PLA2G2E: variants seen among roughly 807,000 people sequenced by gnomAD.
PLA2G2E encodes phospholipase A2 group IIE.
In PLA2G2E, 14 loss-of-function variants were observed where a neutral mutation model predicts 16.5. The ratio of observed to expected loss-of-function variants is 0.85; its 90% CI spans 0.56 to 1.33. The LOEUF (loss-of-function observed/expected upper bound fraction) is 1.33, where lower values mean the gene tolerates loss of function less well. PLA2G2E is among the 40% of genes most tolerant of loss of function. The pLI is 0.00. For missense variants in PLA2G2E, 174 were observed against 190.7 expected (o/e 0.91, Z 0.52); for synonymous variants, 72 against 77.2 (o/e 0.93, Z 0.36).
At chr1:19,921,464 C>T (rs2045814667) in intron 3 of PLA2G2E, among the ~76,000 whole-genome samples, 1 of 152,214 alleles carries the variant, frequency 6.6e-6, no homozygotes, top group Non-Finnish European at 1.5e-5. Context: ...ACCCACCTGC[C>T]TCCTCCCCTC....
chr1:19,922,850 C>T, intron 1 of PLA2G2E, 95 bp from the exon 2 acceptor site: 1 of 1,437,940 alleles, frequency 7.0e-7, no homozygotes, highest in East Asian at 2.3e-5. Flanking sequence ...AGGCATCTCT[C>T]CAGTTGTCCA....
chr1:19,922,727 C>G lies in PLA2G2E; in HGVS notation c.69G>C (p.Gln23His). Residue 23 changes from glutamine (Q) to histidine (H), a missense_variant, in exon 2 of 4, where the codon CAG becomes CAC. Physicochemically the swap from Gln to His is conservative, Grantham distance 24. Coordinates refer to ENST00000375116, the MANE Select transcript of PLA2G2E (RefSeq NM_014589.3). Reference protein sequence around the residue: ...LVALVTGNLVQFGVMIEKMTG... With the variant: ...LVALVTGNLVHFGVMIEKMTG... ...TCATCTTCTCGATCATCACCCCAAA[C>G]TGAACCAGGTTCCCGGTGACCAGAG... The G allele has an allele frequency of 6.2e-7, 1 of 1,613,896 alleles. No homozygotes were observed. The highest frequency in any genetic ancestry group is 1.3e-5 in the African/African-American group (1 of 74,978).
rs192084901 is a variant in PLA2G2E at position 19,920,269 on chromosome 1, C to A, written c.*38G>T. 1.3e-6 allele frequency: 2 copies of A among 1,585,322 alleles called. No individual in the cohort carries two copies. Among genetic ancestry groups the A allele is most frequent in the South Asian group, 1.1e-5 (1 of 88,842 alleles). On this transcript the variant is annotated 3_prime_UTR_variant, in exon 4 of 4. Coordinates refer to ENST00000375116, the MANE Select transcript of PLA2G2E (RefSeq NM_014589.3). This position sits in a 1 kb window ranked among gnomAD's most constrained non-coding sequence, Gnocchi z 4.3. ...GGCCTGGGACTACAGCAGCCCGAGG[C>A]GGGACCTCCAGGGACGGGGGGGAGG... is the stretch of plus-strand genomic sequence containing the variant.
rs149881596 is a variant in PLA2G2E at position 19,922,760 on chromosome 1, A to AGAGAGG, written c.41-11_41-6dup. 100,760 of 1,611,742 alleles carry AGAGAGG rather than the reference A, an allele frequency of 0.063. 3,983 individuals are homozygous for AGAGAGG. The highest frequency in any genetic ancestry group is 0.19 in the African/African-American group (14,033 of 74,406). The stretch of plus-strand genomic sequence containing the variant: ...GGTTCCCGGTGACCAGAGCCACTGC[A>AGAGAGG]GAGAGGGAGAGGGAGAGGGAGAGGG... On this transcript the variant is annotated splice_polypyrimidine_tract_variant and splice_region_variant and intron_variant, in intron 1 of 3. Transcript: ENST00000375116.
Position 19,920,661 on chromosome 1 carries a change from G to A in PLA2G2E, c.287-212C>T, listed in dbSNP as rs1229267751. On this transcript the variant is annotated intron_variant, in intron 3 of 3. Coordinates refer to ENST00000375116, the MANE Select transcript of PLA2G2E (RefSeq NM_014589.3). The surrounding 1 kb of genome is among the most constrained non-coding windows in gnomAD (Gnocchi z 4.3). ...CCAGGGAAGCTGGAAGCTTGCCCTC[G>A]CTGTCCCTCCCTGCTCTCCCAAGCC... Among the ~76,000 whole-genome samples, 1 of 152,108 alleles carries A rather than the reference G, an allele frequency of 6.6e-6. No homozygotes were observed. The highest frequency in any genetic ancestry group is 2.4e-5 in the African/African-American group (1 of 41,430).
rs2045822740 is a variant in PLA2G2E, at chr1:19,922,328, A to G, written c.256T>C (p.Phe86Leu). 2 of 1,613,940 alleles carry G rather than the reference A, an allele frequency of 1.2e-6. No homozygotes were observed. The highest frequency in any genetic ancestry group is 2.7e-5 in the African/African-American group (2 of 74,928). Reference protein sequence around the residue: ...GCEPKLEKYLFSVSERGIFCA... With the variant: ...GCEPKLEKYLLSVSERGIFCA... ...AAAATGCCACGTTCGCTGACAGAGAAAAGATACTTTTCCAGTTTGGGCTCA... is the reference window on the plus strand; with the variant it reads ...AAAATGCCACGTTCGCTGACAGAGAGAAGATACTTTTCCAGTTTGGGCTCA... Residue 86 changes from phenylalanine (F) to leucine (L), a missense_variant, in exon 3 of 4, where the codon TTC (phenylalanine) becomes CTC (leucine). Transcript: ENST00000375116.
At chr1:19,922,874 C>G in intron 1 of PLA2G2E, 119 bp from the exon 2 acceptor site, 1 of 1,146,586 alleles carries the variant, frequency 8.7e-7, no homozygotes, top group Non-Finnish European at 1.2e-6. Flanking sequence ...AAGCTCACCT[C>G]CCCAAAGCAA....
rs756696912 is a variant in PLA2G2E, at chr1:19,920,484, G to A, written c.287-35C>T. The stretch of plus-strand genomic sequence containing the variant: ...ACAAAGTGAGTCAGGGACCACAGAA[G>A]CTCAGGATATGTGTGGGACAGCTCT... On this transcript the variant is annotated intron_variant, in intron 3 of 3. Coordinates refer to ENST00000375116, the MANE Select transcript of PLA2G2E (RefSeq NM_014589.3). The surrounding 1 kb of genome is among the most constrained non-coding windows in gnomAD (Gnocchi z 4.3). 245 of 1,607,294 alleles carry A rather than the reference G, an allele frequency of 1.5e-4. No homozygotes were observed. The highest frequency in any genetic ancestry group is 1.9e-4 in the Non-Finnish European group (227 of 1,177,436).
rs760268843 is a variant in PLA2G2E at position 19,922,410 on chromosome 1, A to C, written c.180-6T>G. 6.2e-7 allele frequency: 1 copy of C among 1,612,956 alleles called. No individual in the cohort carries two copies. The highest frequency in any genetic ancestry group is 1.1e-5 in the South Asian group (1 of 90,964). ...AGTCGTGGGCGTGGCAGCACCTGTA[A>C]GGGTCATGGTTGACCTGGAGGGACC... On this transcript the variant is annotated splice_polypyrimidine_tract_variant and splice_region_variant and intron_variant, in intron 2 of 3. Transcript: ENST00000375116.
intron 1 of PLA2G2E, 28 bp from the exon 2 acceptor site, chr1:19,922,783 G>GGGAGAA: frequency 6.2e-7 from 1 of 1,610,366 alleles, no homozygotes; most frequent in Non-Finnish European, 8.5e-7. Context: ...GAGAGGGAGA[G>GGGAGAA]GGAGGGCCCC....
Position 19,920,329 on chromosome 1 carries a change from G to C in PLA2G2E, c.407C>G (p.Thr136Ser), listed in dbSNP as rs749295415. ...KYAHYPNKLC[T>S]GPTPPC ...GCCTCAGCAGGGCGGGGTGGGCCCG[G>C]TGCACAGCTTGTTGGGATAATGGGC... is the stretch of plus-strand genomic sequence containing the variant. The change falls in exon 4 of 4, where the codon ACC becomes AGC. Residue 136 changes from threonine to serine, a missense_variant. Physicochemically the swap from Thr to Ser is moderately conservative, Grantham distance 58. Coordinates refer to ENST00000375116, the MANE Select transcript of PLA2G2E (RefSeq NM_014589.3). The surrounding 1 kb of genome is among the most constrained non-coding windows in gnomAD (Gnocchi z 4.3). 5.0e-6 allele frequency: 8 copies of C among 1,612,948 alleles called. No homozygotes were observed. The highest frequency in any genetic ancestry group is 3.3e-5 in the Admixed American group (2 of 60,024).
rs1200964266 is a variant in PLA2G2E, at chr1:19,922,764, A to T, written c.41-9T>A. Reference sequence around the variant, plus strand: ...CCCGGTGACCAGAGCCACTGCAGAGAGGGAGAGGGAGAGGGAGAGGGAGGG... The same window carrying T: ...CCCGGTGACCAGAGCCACTGCAGAGTGGGAGAGGGAGAGGGAGAGGGAGGG... On this transcript the variant is annotated splice_polypyrimidine_tract_variant and intron_variant, in intron 1 of 3. Coordinates refer to ENST00000375116, the MANE Select transcript of PLA2G2E (RefSeq NM_014589.3). 1 of 1,605,162 alleles carries T rather than the reference A, an allele frequency of 6.2e-7. No individual in the cohort carries two copies. The highest frequency in any genetic ancestry group is 1.7e-5 in the Admixed American group (1 of 59,804).
chr1:19,922,651 C>G lies in PLA2G2E; in HGVS notation c.145G>C (p.Gly49Arg), dbSNP rs1483064444. The G allele has an allele frequency of 2.5e-6, 4 of 1,614,032 alleles. No homozygotes were observed. Among genetic ancestry groups the G allele is most frequent in the Non-Finnish European group, 3.4e-6 (4 of 1,179,984 alleles). ...YNDYGCYCGIGGSHWPVDQTD... is the reference protein window; with the variant it reads ...YNDYGCYCGIRGSHWPVDQTD... ...TGGTCCACCGGCCAGTGGGAGCCAC[C>G]GATGCCGCAGTAACAGCCATAGTCG... is the stretch of plus-strand genomic sequence containing the variant. Residue 49 changes from glycine to arginine, a missense_variant, in exon 2 of 4, where the codon GGT becomes CGT. Gly to Arg is a moderately radical substitution (Grantham distance 125, BLOSUM62 -2). Coordinates refer to ENST00000375116, the MANE Select transcript of PLA2G2E (RefSeq NM_014589.3).
At position 19,920,727 on chromosome 1, in the gene PLA2G2E, C is replaced by G. The variant is rs1434863881; in HGVS notation, c.287-278G>C. ...TAGCTCTCTCCGGCCTTAGGGACAC[C>G]ACGTGGTTCCCTAACTCTCACTGCC... On this transcript the variant is annotated intron_variant, in intron 3 of 3. Transcript: ENST00000375116. The surrounding 1 kb of genome is among the most constrained non-coding windows in gnomAD (Gnocchi z 4.3). 6.6e-6 allele frequency among the ~76,000 whole-genome samples: 1 copy of G among 152,170 alleles called. No individual in the cohort carries two copies. Among genetic ancestry groups the G allele is most frequent in the Non-Finnish European group, 1.5e-5 (1 of 68,026 alleles).
At position 19,923,533 on chromosome 1, in the gene PLA2G2E, G is replaced by T; in HGVS notation, c.27C>A (p.Phe9Leu). Reference protein sequence around the residue: MKSPHVLVFLCLLVALVTG... With the variant: MKSPHVLVLLCLLVALVTG... Reference sequence around the variant, plus strand: ...AAGATCACTTACCCAGGAGGCAAAGGAACACCAGCACGTGGGGAGATTTCA... The same window carrying T: ...AAGATCACTTACCCAGGAGGCAAAGTAACACCAGCACGTGGGGAGATTTCA... The change falls in exon 1 of 4, where the codon TTC (phenylalanine) becomes TTA (leucine). Residue 9 changes from phenylalanine to leucine, a missense_variant. Phe to Leu is a conservative substitution (Grantham distance 22). Coordinates refer to ENST00000375116, the MANE Select transcript of PLA2G2E (RefSeq NM_014589.3). The T allele has an allele frequency of 6.4e-7, 1 of 1,550,804 alleles. No individual in the cohort carries two copies. The highest frequency in any genetic ancestry group is 8.7e-7 in the Non-Finnish European group (1 of 1,146,762).
Position 19,920,383 on chromosome 1 carries a change from C to G in PLA2G2E, c.353G>C (p.Arg118Pro), listed in dbSNP as rs61729970. ...CDKRAALCFRRNLGTYNRKYA... is the reference protein window; with the variant it reads ...CDKRAALCFRPNLGTYNRKYA... ...TTTGCGGTTGTAGGTGCCCAGGTTG[C>G]GGCGAAAGCAGAGGGCAGCCCTCTT... The change falls in exon 4 of 4, where the codon CGC becomes CCC. Residue 118 changes from arginine to proline, a missense_variant. Coordinates refer to ENST00000375116, the MANE Select transcript of PLA2G2E (RefSeq NM_014589.3). This position sits in a 1 kb window ranked among gnomAD's most constrained non-coding sequence, Gnocchi z 4.3. 1 of 1,613,708 alleles carries G rather than the reference C, an allele frequency of 6.2e-7. No homozygotes were observed. The highest frequency in any genetic ancestry group is 8.5e-7 in the Non-Finnish European group (1 of 1,179,794).
rs778045455 is a variant in PLA2G2E at position 19,922,594 on chromosome 1, C to T, written c.179+23G>A. On this transcript the variant is annotated intron_variant, in intron 2 of 3. Transcript: ENST00000375116. ...CCAGCTCCTCCATCCCCATGGAGGT[C>T]CCCCTGCAGGCTGCTTCCTCACCAG... 3.0e-5 allele frequency: 49 copies of T among 1,612,838 alleles called. No homozygotes were observed. The South Asian group carries it at 3.5e-4, about 12-fold the overall frequency.
In PLA2G2E at chr1:19,922,538, C is replaced by T; in HGVS notation, c.179+79G>A. ...AATTTTCCAGGTGCCCCCAGGCTTCCCTCCTTCTCCCAGGATCCTCCCAGG... is the reference window on the plus strand; with the variant it reads ...AATTTTCCAGGTGCCCCCAGGCTTCTCTCCTTCTCCCAGGATCCTCCCAGG... On this transcript the variant is annotated intron_variant, in intron 2 of 3. Transcript: ENST00000375116. 1.9e-6 allele frequency: 3 copies of T among 1,579,574 alleles called. No homozygotes were observed. In the East Asian group the frequency reaches 6.7e-5, roughly 35 times the overall value.
chr1:19,922,544 T>A, intron 2 of PLA2G2E, 73 bp downstream of exon 2: 1 of 1,584,734 alleles, frequency 6.3e-7, no homozygotes. Flanking sequence ...CTTCCCTCCT[T>A]CTCCCAGGAT....
Sources: allele counts gnomAD v4.1 joint callset (sites outside exome capture counted in the v4.1 genomes callset), GRCh38; gene constraint gnomAD v4.1.1; non-coding constraint Gnocchi (gnomAD v3.1); transcripts MANE v1.5; gene names NCBI Gene and HGNC (gene_info 2026-07-23, HGNC 2026-07-21).